The following STPG2 variants were observed in gnomAD, a reference collection of about 807,000 sequenced individuals.
STPG2 encodes the protein sperm tail PG-rich repeat containing 2.
A neutral mutation model predicts 54.2 loss-of-function variants in STPG2; 56 were observed. That is an observed-to-expected ratio of 1.03 (90% CI 0.83 to 1.29). The LOEUF is 1.29. Among genes scored for constraint, STPG2 ranks in the 50% most tolerant of loss-of-function variants. The pLI, the probability that STPG2 is intolerant of heterozygous loss-of-function variation, is 0.00. For synonymous variants in STPG2, 200 were observed against 181.8 expected (o/e 1.10, Z -0.81); for missense variants, 596 against 544.9 (o/e 1.09, Z -0.93).
chr4:97,698,595 T>C (rs1723663008), intron 10 of STPG2, among the ~76,000 whole-genome samples: 2 of 152,122 alleles, frequency 1.3e-5, no homozygotes, highest in Admixed American at 1.3e-4. Flanking sequence ...TTGCTAGTGG[T>C]CACTAAGGTT....
chr4:97,744,538 T>C (rs1725365501), intron 9 of STPG2, among the ~76,000 whole-genome samples: 1 of 151,376 alleles, frequency 6.6e-6, no homozygotes, highest in Admixed American at 6.6e-5. Context: ...CTTATTACTA[T>C]ATATTAGTCC....
At chr4:97,525,223 A>C (rs889322255) in intron 4 of STPG2, among the ~76,000 whole-genome samples, 1 of 151,826 alleles carries the variant, frequency 6.6e-6, no homozygotes, top group Non-Finnish European at 1.5e-5. Flanking sequence ...TTTAACTTTC[A>C]CTTGAAAATA....
intron 8 of STPG2, among the ~76,000 whole-genome samples, chr4:97,922,099 G>A (rs1641915206): frequency 6.6e-6 from 1 of 152,090 alleles, no homozygotes. Flanking sequence ...TGAATAAGCT[G>A]CATGATGACT....
intron 8 of STPG2, among the ~76,000 whole-genome samples, chr4:97,915,536 C>G (rs1731842152): frequency 6.6e-6 from 1 of 151,924 alleles, no homozygotes; most frequent in South Asian, 2.1e-4. Context: ...TGGGGAAGCT[C>G]CAGGAAGGTA....
At chr4:98,009,369 T>G (rs1423761304) in intron 5 of STPG2, among the ~76,000 whole-genome samples, 6 of 151,960 alleles carry the variant, frequency 3.9e-5, no homozygotes, top group Admixed American at 1.3e-4. Context: ...GTCATTCAAT[T>G]TTCATATATC....
intron 9 of STPG2, among the ~76,000 whole-genome samples, chr4:97,800,958 C>T (rs375834375): frequency 1.3e-3 from 200 of 152,244 alleles, no homozygotes; most frequent in African/African-American, 4.4e-3. Context: ...AGCAAGGCTC[C>T]GTGGGCATGG....
intron 10 of STPG2, among the ~76,000 whole-genome samples, chr4:97,665,384 C>T (rs770918022): frequency 1.3e-5 from 2 of 152,120 alleles, no homozygotes; most frequent in Non-Finnish European, 1.5e-5. Flanking sequence ...ACCAACAGTG[C>T]GTAGCTCCTT....
intron 8 of STPG2, among the ~76,000 whole-genome samples, chr4:97,941,328 GTTAAGCTCCTCAAATCAGTAAC>G (rs1732976733): frequency 6.6e-6 from 1 of 152,024 alleles, no homozygotes; most frequent in Non-Finnish European, 1.5e-5. Context: ...TTGGCATTCT[GTTAAGCTCCTCAAATCAGTAAC>G]TTATGTTTTT....
chr4:98,108,069 C>T (rs1739237514), intron 4 of STPG2, among the ~76,000 whole-genome samples: 1 of 151,938 alleles, frequency 6.6e-6, no homozygotes, highest in Non-Finnish European at 1.5e-5. Context: ...AGTATAAATT[C>T]CCAAAAACAA....
rs1028808467 is a variant in STPG2, at chr4:97,972,281, T to C, written c.932A>G (p.Gln311Arg). 1.9e-6 allele frequency: 3 copies of C among 1,574,218 alleles called. No individual in the cohort carries two copies. The highest frequency in any genetic ancestry group is 1.9e-5 in the Admixed American group (1 of 52,274). Reference protein sequence around the residue: ...ACATPGPADYQEFWHSQGVGI... With the variant: ...ACATPGPADYREFWHSQGVGI... ...ATTATTTTTGTATGAATGTATTACCTGATAATCAGCAGGTCCAGGGGTAGC... is the reference window on the plus strand; with the variant it reads ...ATTATTTTTGTATGAATGTATTACCCGATAATCAGCAGGTCCAGGGGTAGC... The change falls in exon 7 of 11, where the codon CAG becomes CGG. Residue 311 changes from glutamine to arginine, a missense_variant and splice_region_variant. By Grantham distance (43) the Gln-to-Arg change is conservative. Coordinates refer to ENST00000295268, the MANE Select transcript of STPG2 (RefSeq NM_174952.3).
chr4:97,476,175 G>A (rs1350744920), intron 4 of STPG2, among the ~76,000 whole-genome samples: 3 of 152,022 alleles, frequency 2.0e-5, no homozygotes, highest in Admixed American at 6.6e-5. Flanking sequence ...ATACAGCATT[G>A]TGGCATGTTT....
chr4:97,506,520 A>G (rs1463189930), intron 4 of STPG2, among the ~76,000 whole-genome samples: 3 of 152,064 alleles, frequency 2.0e-5, no homozygotes, highest in Non-Finnish European at 4.4e-5. Flanking sequence ...CAGAAATAAA[A>G]AAAAACTATC....
chr4:98,048,536 C>A, intron 5 of STPG2: 1 of 176,156 alleles, frequency 5.7e-6, no homozygotes, highest in East Asian at 1.3e-4. Context: ...GTCTCCTCCG[C>A]TTGCTTTCTG....
In STPG2 at chr4:97,721,536, T is replaced by A. The variant is rs921928725; in HGVS notation, c.1205-8722A>T. Among the ~76,000 whole-genome samples, 5 of 152,086 alleles carry A rather than the reference T, an allele frequency of 3.3e-5. No homozygotes were observed. The East Asian group carries it at 9.6e-4, about 29-fold the overall frequency. ...TGTCCATTGTTAGTTGAAATAAAAG[T>A]AGACTCAAAAGGTCTTCTTATTATA... On this transcript the variant is annotated intron_variant, in intron 9 of 10. Coordinates refer to ENST00000295268, the MANE Select transcript of STPG2 (RefSeq NM_174952.3).
At chr4:97,650,274 G>GA (rs1722028180) in intron 10 of STPG2, among the ~76,000 whole-genome samples, 1 of 152,092 alleles carries the variant, frequency 6.6e-6, no homozygotes, top group Non-Finnish European at 1.5e-5. Flanking sequence ...AGGAGTTGGG[G>GA]ATCTCTATCC....
chr4:97,688,159 C>A (rs556224705), intron 10 of STPG2, among the ~76,000 whole-genome samples: 1 of 151,942 alleles, frequency 6.6e-6, no homozygotes, highest in Non-Finnish European at 1.5e-5. Flanking sequence ...ATCTGAAAAT[C>A]TGCTTTTTTT....
chr4:97,783,925 G>T (rs1019056428), intron 9 of STPG2, among the ~76,000 whole-genome samples: 27 of 152,006 alleles, frequency 1.8e-4, no homozygotes, highest in Admixed American at 3.3e-4. Context: ...TCATGGGGTG[G>T]GGGGAGAGGG....
chr4:97,885,246 G>T (rs929662318), intron 8 of STPG2, among the ~76,000 whole-genome samples: 12 of 152,132 alleles, frequency 7.9e-5, no homozygotes, highest in Admixed American at 3.3e-4. Context: ...CCAGAACTCA[G>T]AACAGTGAGA....
intron 4 of STPG2, among the ~76,000 whole-genome samples, chr4:97,539,048 A>C (rs1217206110): frequency 1.3e-5 from 2 of 152,226 alleles, no homozygotes; most frequent in East Asian, 3.8e-4. Context: ...GGAAGCACTA[A>C]ACATGGAAAG....
Sources: allele counts gnomAD v4.1 joint callset (sites outside exome capture counted in the v4.1 genomes callset), GRCh38; gene constraint gnomAD v4.1.1; transcripts MANE v1.5; gene names NCBI Gene and HGNC (gene_info 2026-07-23, HGNC 2026-07-21).